Variants in KRI1 observed in about 807,000 individuals in gnomAD.
KRI1 encodes the protein KRI1 homolog.
A neutral mutation model predicts 97.0 loss-of-function variants in KRI1; 83 were observed. The observed-to-expected ratio is 0.86, with a 90% CI of 0.72 to 1.03. The LOEUF is 1.03. Ranked by LOEUF, KRI1 falls within the 50% of genes least tolerant of loss-of-function variation. The probability of loss-of-function intolerance (pLI) is 0.00; values close to 1 mark genes in which losing one functional copy is unlikely to be tolerated. For synonymous variants in KRI1, 371 were observed against 363.5 expected (o/e 1.02, Z -0.23); for missense variants, 916 against 928.4 (o/e 0.99, Z 0.17).
In KRI1 at chr19:10,565,973, C is replaced by A. The variant is rs764856649; in HGVS notation, c.27G>T (p.Gln9His). ...CGGCAAACGCCGCGTTCACCCGCAG[C>A]TGCGACGACCCGCGCGGTTCCGGCA... is the stretch of plus-strand genomic sequence containing the variant. Reference protein sequence around the residue: MPEPRGSSQLRVNAAFAAR... With the variant: MPEPRGSSHLRVNAAFAAR... Residue 9 changes from glutamine to histidine, a missense_variant, in exon 1 of 19, where the codon CAG becomes CAT. By Grantham distance (24) the Gln-to-His change is conservative (BLOSUM62 0). Around this residue, in one of 3 missense-constraint regions of KRI1, gnomAD observed 173 missense variants for 153.1 expected, o/e 1.13. Coordinates refer to ENST00000312962, the MANE Select transcript of KRI1 (RefSeq NM_023008.5). The A allele has an allele frequency of 2.6e-6, 4 of 1,525,766 alleles. No homozygotes were observed. In the Middle Eastern group the frequency reaches 6.2e-4, roughly 236 times the overall value. The allele number at this position is 1,525,766 out of a possible 1,614,324, so 94.5% of individuals were successfully genotyped here.
rs114840087 is a variant in KRI1, at chr19:10,555,262, C to T, written c.1682+23G>A. On this transcript the variant is annotated intron_variant, in intron 17 of 18. Coordinates refer to ENST00000312962, the MANE Select transcript of KRI1 (RefSeq NM_023008.5). ...CCGCCCTGCCCCCTGCGCATGTGGC[C>T]CCGCCGCGCCCCGCCCCATCACCTG... The T allele has an allele frequency of 3.4e-4, 281 of 821,716 alleles. 1 individual carries two copies. Among genetic ancestry groups the T allele is most frequent in the African/African-American group, 3.4e-3 (132 of 38,958 alleles). The allele number at this position is 821,716 out of a possible 1,614,324, so 50.9% of individuals were successfully genotyped here.
At chr19:10,560,927 G>T in intron 8 of KRI1, 76 bp downstream of exon 8, 1 of 1,122,994 alleles carries the variant, frequency 8.9e-7, no homozygotes, top group Non-Finnish European at 1.4e-6. Flanking sequence ...TCTTCAGAGG[G>T]TTACTTTCTG....
Position 10,559,660 on chromosome 19 carries a change from C to T in KRI1, c.976G>A (p.Glu326Lys). 1 of 1,614,068 alleles carries T rather than the reference C, an allele frequency of 6.2e-7. No individual in the cohort carries two copies. Among genetic ancestry groups the T allele is most frequent in the South Asian group, 1.1e-5 (1 of 91,080 alleles). Residue 326 changes from glutamate (E) to lysine (K), a missense_variant, in exon 11 of 19, where the codon GAG (glutamate) becomes AAG (lysine). Physicochemically the swap from Glu to Lys is moderately conservative, Grantham distance 56. This residue lies in a region of KRI1 where 672 missense variants were observed against 667.2 expected (regional missense o/e 1.01). Transcript: ENST00000312962. ...TCTTCCCTCTTCTCCTTTCTGCGCT[C>T]ATCCTTACGGCGCACGGAGGACGCG... The part of the protein sequence containing the change: ...SIASSVRRKD[E>K]RRKEKREETR...
At chr19:10,565,430 G>A (rs960815536) in intron 2 of KRI1, 4 of 530,456 alleles carry the variant, frequency 7.5e-6, no homozygotes, top group African/African-American at 6.0e-5. Flanking sequence ...AAAATGGCTA[G>A]ACTCTTGAGG....
At chr19:10,557,319 C>G (rs1916531719) in intron 16 of KRI1, among the ~76,000 whole-genome samples, 1 of 152,152 alleles carries the variant, frequency 6.6e-6, no homozygotes, top group East Asian at 1.9e-4. Flanking sequence ...GTTGGCCAGG[C>G]TGGTCTCGAA....
rs1388307292 is a variant in KRI1 at position 10,559,480 on chromosome 19, C to T, written c.1073G>A (p.Arg358Lys). The change falls in exon 12 of 19, where the codon AGG (arginine) becomes AAG (lysine). Residue 358 changes from arginine (R) to lysine (K), a missense_variant. Physicochemically the swap from Arg to Lys is conservative, Grantham distance 26. Coordinates refer to ENST00000312962, the MANE Select transcript of KRI1 (RefSeq NM_023008.5). ...CTCCAGCTTGGCCAGAATCTCCTTCCTCTTCAGGTTCTTCAGCTGCTTGAG... is the reference window on the plus strand; with the variant it reads ...CTCCAGCTTGGCCAGAATCTCCTTCTTCTTCAGGTTCTTCAGCTGCTTGAG... ...EELKQLKNLKRKEILAKLEKL... is the reference protein window; with the variant it reads ...EELKQLKNLKKKEILAKLEKL... 1 of 1,613,962 alleles carries T rather than the reference C, an allele frequency of 6.2e-7. No individual in the cohort carries two copies. Among genetic ancestry groups the T allele is most frequent in the Non-Finnish European group, 8.5e-7 (1 of 1,180,036 alleles).
chr19:10,561,259 C>G lies in KRI1; in HGVS notation c.495G>C (p.Arg165=). ...CGTCCTCACTGTCCTCCACAAATGCCCGGAAGCTGCCCACGAGAGAAAACA... is the reference window on the plus strand; with the variant it reads ...CGTCCTCACTGTCCTCCACAAATGCGCGGAAGCTGCCCACGAGAGAAAACA... ...EEQKQLKESF[R]AFVEDSEDED... Residue 165 remains arginine, a synonymous_variant, in exon 7 of 19, where the codon CGG becomes CGC. Transcript: ENST00000312962. 1 of 1,614,062 alleles carries G rather than the reference C, an allele frequency of 6.2e-7. No individual in the cohort carries two copies. The highest frequency in any genetic ancestry group is 8.5e-7 in the Non-Finnish European group (1 of 1,180,004).
chr19:10,559,801 G>C lies in KRI1; in HGVS notation c.927+9C>G. 2 of 1,613,742 alleles carry C rather than the reference G, an allele frequency of 1.2e-6. No homozygotes were observed. Among genetic ancestry groups the C allele is most frequent in the Non-Finnish European group, 1.7e-6 (2 of 1,179,914 alleles). ...GGGGGCTGAGTCCTCCCCAGCCCCA[G>C]CCACACACCGATGCTGAGTCCGGCT... On this transcript the variant is annotated intron_variant, in intron 10 of 18. Transcript: ENST00000312962.
Position 10,564,961 on chromosome 19 carries a change from T to C in KRI1, c.242A>G (p.Tyr81Cys). The C allele has an allele frequency of 6.2e-7, 1 of 1,613,774 alleles. No homozygotes were observed. Among genetic ancestry groups the C allele is most frequent in the Non-Finnish European group, 8.5e-7 (1 of 1,179,726 alleles). The change falls in exon 3 of 19, where the codon TAT becomes TGT. Residue 81 changes from tyrosine (Y) to cysteine (C), a missense_variant. By Grantham distance (194) the Tyr-to-Cys change is radical. Around this residue, in one of 3 missense-constraint regions of KRI1, gnomAD observed 173 missense variants for 153.1 expected, o/e 1.13. Transcript: ENST00000312962. Reference protein sequence around the residue: ...SLLKKKDPRIYQKDATFYNRT... With the variant: ...SLLKKKDPRICQKDATFYNRT... ...GTTATAGAAGGTGGCATCTTTCTGA[T>C]AAATGCGGGGGTCCTTCTTCTTCAA...
intron 8 of KRI1, 48 bp from the exon 9 acceptor site, chr19:10,560,496 G>A (rs773229479): frequency 2.1e-6 from 3 of 1,428,558 alleles, no homozygotes; most frequent in Non-Finnish European, 2.9e-6. Flanking sequence ...GACAGGGAAG[G>A]AGGGCAGGCA....
chr19:10,555,104 C>A lies in KRI1; in HGVS notation c.1764G>T (p.Lys588Asn). The A allele has an allele frequency of 1.9e-6, 3 of 1,614,164 alleles. No homozygotes were observed. Among genetic ancestry groups the A allele is most frequent in the Non-Finnish European group, 2.5e-6 (3 of 1,180,018 alleles). The change falls in exon 18 of 19, where the codon AAG becomes AAT. Residue 588 changes from lysine (K) to asparagine (N), a missense_variant. Lys to Asn is a moderately conservative substitution (Grantham distance 94). Coordinates refer to ENST00000312962, the MANE Select transcript of KRI1 (RefSeq NM_023008.5). ...CTGCTTACTCTTCTCGGCAGAGTGA[C>A]TTGAAGACCTGCCGCTTTTTCCATG... ...QNSWKKRQVFKSLCREEAETP... is the reference protein window; with the variant it reads ...QNSWKKRQVFNSLCREEAETP...
chr19:10,556,927 C>T (rs1157745075), intron 16 of KRI1, among the ~76,000 whole-genome samples: 2 of 151,126 alleles, frequency 1.3e-5, no homozygotes, highest in Non-Finnish European at 3.0e-5. Flanking sequence ...CAATTGAGCC[C>T]AGGAGGTTGG....
intron 2 of KRI1, 75 bp downstream of exon 2, chr19:10,565,642 C>T (rs1170673454): frequency 2.7e-6 from 4 of 1,483,676 alleles, no homozygotes; most frequent in African/African-American, 1.4e-5. Context: ...GGTTCCCCCC[C>T]GTCTACATCG....
chr19:10,557,794 C>T lies in KRI1; in HGVS notation c.1461G>A (p.Gly487=), dbSNP rs780220126. The T allele has an allele frequency of 1.2e-6, 2 of 1,613,224 alleles. No homozygotes were observed. The highest frequency in any genetic ancestry group is 2.2e-5 in the East Asian group (1 of 44,878). The change falls in exon 15 of 19, where the codon GGG becomes GGA. Residue 487 remains glycine, a synonymous_variant. Transcript: ENST00000312962. ...CGGGTTCAAACACGGGCTTCTCCTG[C>T]CCCACGGCCGCGGCGAAGGGCGACT... is the stretch of plus-strand genomic sequence containing the variant. ...KRKSPFAAAV[G]QEKPVFEPGD...
At chr19:10,557,342 G>A (rs187503862) in intron 16 of KRI1, among the ~76,000 whole-genome samples, 2 of 152,160 alleles carry the variant, frequency 1.3e-5, no homozygotes, top group Admixed American at 1.3e-4. Flanking sequence ...CCTGACCTCA[G>A]GTGATCCACT....
At position 10,557,647 on chromosome 19, in the gene KRI1, A is replaced by G. The variant is rs1916545646; in HGVS notation, c.1522T>C (p.Tyr508His). The change falls in exon 16 of 19, where the codon TAC becomes CAC. Residue 508 changes from tyrosine to histidine, a missense_variant. Around this residue, in one of 3 missense-constraint regions of KRI1, gnomAD observed 672 missense variants for 667.2 expected, o/e 1.01. Transcript: ENST00000312962. ...KTFEEYLDEY[Y>H]RLDYEDIIDD... ...ATGATGTCCTCGTAGTCCAGCCGGTAATACTCATCCAGGTACTCCTCGAAC... is the reference window on the plus strand; with the variant it reads ...ATGATGTCCTCGTAGTCCAGCCGGTGATACTCATCCAGGTACTCCTCGAAC... 1 of 1,614,054 alleles carries G rather than the reference A, an allele frequency of 6.2e-7. No homozygotes were observed. The highest frequency in any genetic ancestry group is 8.5e-7 in the Non-Finnish European group (1 of 1,180,034).
chr19:10,555,550 C>T (rs1255940412), intron 16 of KRI1, among the ~76,000 whole-genome samples: 3 of 152,228 alleles, frequency 2.0e-5, no homozygotes, highest in Admixed American at 6.5e-5. Flanking sequence ...GCTCAGAGAA[C>T]GGATCCTTGC....
chr19:10,558,544 G>A (rs1385917728), intron 12 of KRI1, among the ~76,000 whole-genome samples: 1 of 151,980 alleles, frequency 6.6e-6, no homozygotes, highest in African/African-American at 2.4e-5. Flanking sequence ...TCAGGCCCCA[G>A]GTCTTTTTTT....
rs1291186575 is a variant in KRI1 at position 10,553,113 on chromosome 19, TTA to T, written c.*836_*837del. 4 of 1,528,342 alleles carry T rather than the reference TTA, an allele frequency of 2.6e-6. No homozygotes were observed. The highest frequency in any genetic ancestry group is 4.6e-5 in the East Asian group (2 of 43,072). 94.7% of individuals were successfully genotyped at this position (1,528,342 alleles called of 1,614,324 possible). A position where few individuals can be genotyped will look rare whatever the true frequency, so the allele number is the denominator to read the frequency against. ...GATACAACACTATTTATTTTTTTAT[TTA>T]TGTCATGTCGGGTGTGGGATCTTGA... On this transcript the variant is annotated 3_prime_UTR_variant, in exon 19 of 19. Transcript: ENST00000312962.
Sources: allele counts gnomAD v4.1 joint callset (sites outside exome capture counted in the v4.1 genomes callset), GRCh38; gene constraint gnomAD v4.1.1; regional missense constraint gnomAD v4.1.1; transcripts MANE v1.5; gene names NCBI Gene and HGNC (gene_info 2026-07-23, HGNC 2026-07-21).